The following ADAM32 variants were observed in gnomAD, a reference collection of about 807,000 sequenced individuals.
ADAM32 encodes ADAM metallopeptidase domain 32.
In ADAM32, 89 loss-of-function variants were observed where a neutral mutation model predicts 114.9. The observed-to-expected ratio is 0.77, with a 90% CI of 0.65 to 0.92. The LOEUF (loss-of-function observed/expected upper bound fraction) is 0.92, where lower values mean the gene tolerates loss of function less well. Among genes scored for constraint, ADAM32 ranks in the 40% least tolerant of loss-of-function variants. The probability of loss-of-function intolerance (pLI) is 0.00; values close to 1 mark genes in which losing one functional copy is unlikely to be tolerated. For missense variants in ADAM32, 870 were observed against 932.8 expected (o/e 0.93, Z 0.88); for synonymous variants, 285 against 307.5 (o/e 0.93, Z 0.77).
At chr8:39,134,498 G>A (rs759507524) in intron 2 of ADAM32, among the ~76,000 whole-genome samples, 15 of 152,024 alleles carry the variant, frequency 9.9e-5, no homozygotes, top group Non-Finnish European at 1.6e-4. Context: ...TTCCTTCTAG[G>A]CCTCAGAGGT....
intron 11 of ADAM32, among the ~76,000 whole-genome samples, chr8:39,203,638 G>A (rs1033250222): frequency 4.6e-5 from 7 of 152,168 alleles, no homozygotes; most frequent in Admixed American, 1.3e-4. Context: ...TACAATTAAG[G>A]TTAATATTGT....
At chr8:39,127,325 G>A (rs1046884418) in intron 2 of ADAM32, among the ~76,000 whole-genome samples, 8 of 152,014 alleles carry the variant, frequency 5.3e-5, no homozygotes, top group African/African-American at 1.5e-4. Context: ...TTCTTCGTTG[G>A]TAGGCTATTT....
intron 16 of ADAM32, among the ~76,000 whole-genome samples, 177 bp from the exon 17 acceptor site, chr8:39,245,906 T>A (rs867225683): frequency 2.3e-4 from 35 of 152,128 alleles, no homozygotes; most frequent in African/African-American, 8.2e-4. Flanking sequence ...AAATCACAAA[T>A]GTCTTTTCTT....
chr8:39,260,240 G>A (rs1446824350), intron 19 of ADAM32, among the ~76,000 whole-genome samples: 1 of 152,108 alleles, frequency 6.6e-6, no homozygotes, highest in Non-Finnish European at 1.5e-5. Context: ...CAAATGTCAA[G>A]TTTTTTACGT....
chr8:39,171,719 T>C (rs2129446495), intron 10 of ADAM32, among the ~76,000 whole-genome samples: 1 of 152,044 alleles, frequency 6.6e-6, no homozygotes, highest in African/African-American at 2.4e-5. Context: ...CTTACCTCTA[T>C]TTTAATTTAT....
At chr8:39,278,607 A>G (rs1467563319) in intron 22 of ADAM32, among the ~76,000 whole-genome samples, 1 of 151,872 alleles carries the variant, frequency 6.6e-6, no homozygotes, top group Non-Finnish European at 1.5e-5. Flanking sequence ...AGCTTCTTCC[A>G]GGTTTTTACC....
chr8:39,265,750 A>G (rs1291072983), intron 19 of ADAM32, among the ~76,000 whole-genome samples: 1 of 152,038 alleles, frequency 6.6e-6, no homozygotes, highest in Non-Finnish European at 1.5e-5. Context: ...TATTTGCTTA[A>G]TAGTGTTGGG....
intron 1 of ADAM32, among the ~76,000 whole-genome samples, chr8:39,115,768 G>A (rs1840349749): frequency 6.6e-6 from 1 of 151,982 alleles, no homozygotes; most frequent in Admixed American, 6.6e-5. Context: ...CTCAATTTTT[G>A]TTTTTGTTGA....
chr8:39,161,063 A>G, intron 7 of ADAM32, 98 bp downstream of exon 7: 1 of 1,108,998 alleles, frequency 9.0e-7, no homozygotes, highest in Non-Finnish European at 1.3e-6. Context: ...CAATGTTCTT[A>G]CTCACATGTC....
intron 19 of ADAM32, among the ~76,000 whole-genome samples, chr8:39,260,762 T>C (rs933265362): frequency 1.3e-5 from 2 of 152,156 alleles, no homozygotes; most frequent in Non-Finnish European, 2.9e-5. Context: ...TCTGGCCTTA[T>C]AAAATGTGTT....
chr8:39,183,770 G>A (rs1166792469), intron 10 of ADAM32, among the ~76,000 whole-genome samples: 2 of 152,226 alleles, frequency 1.3e-5, no homozygotes, highest in East Asian at 3.8e-4. Flanking sequence ...TACAGGACAT[G>A]TGATAAGTAA....
intron 11 of ADAM32, among the ~76,000 whole-genome samples, chr8:39,200,034 G>A (rs953723624): frequency 6.6e-6 from 1 of 152,102 alleles, no homozygotes; most frequent in African/African-American, 2.4e-5. Context: ...ATGGACATTT[G>A]GGTTGGTTCC....
intron 16 of ADAM32, among the ~76,000 whole-genome samples, chr8:39,244,740 A>G (rs1810785441): frequency 6.6e-6 from 1 of 152,140 alleles, no homozygotes; most frequent in South Asian, 2.1e-4. Context: ...TAGGATATAT[A>G]CCTAGTGTTA....
At chr8:39,125,792 T>C (rs930630953) in intron 2 of ADAM32, among the ~76,000 whole-genome samples, 30 of 152,212 alleles carry the variant, frequency 2.0e-4, no homozygotes, top group African/African-American at 7.2e-4. Flanking sequence ...TTTCTTACTT[T>C]GGGTTTTACA....
intron 12 of ADAM32, 60 bp downstream of exon 12, chr8:39,211,384 A>G (rs1025789083): frequency 1.2e-5 from 16 of 1,371,092 alleles, no homozygotes; most frequent in Non-Finnish European, 1.5e-5. Context: ...TATCTTTTTC[A>G]TAAATGTCAT....
intron 11 of ADAM32, among the ~76,000 whole-genome samples, chr8:39,209,262 G>A (rs115595999): frequency 1.6e-3 from 250 of 151,978 alleles, no homozygotes; most frequent in African/African-American, 5.6e-3. Context: ...TTCTGCTTTC[G>A]AGACCCTCTA....
chr8:39,207,030 A>G (rs7845676), intron 11 of ADAM32, among the ~76,000 whole-genome samples: 108,066 of 151,860 alleles, frequency 0.71, 38,657 homozygotes, highest in Middle Eastern at 0.79. Flanking sequence ...GGACTGAGGC[A>G]CTGTCCCACC....
chr8:39,136,834 TAAGTG>T, intron 3 of ADAM32, 116 bp downstream of exon 3: 1 of 722,736 alleles, frequency 1.4e-6, no homozygotes, highest in Non-Finnish European at 2.1e-6. Context: ...TTAATTGTCT[TAAGTG>T]AAGAGATGCT....
At chr8:39,193,943 G>A (rs558565205) in intron 11 of ADAM32, among the ~76,000 whole-genome samples, 17 of 152,162 alleles carry the variant, frequency 1.1e-4, no homozygotes, top group Non-Finnish European at 2.1e-4. Flanking sequence ...GTGCTTCCTA[G>A]GGCAGTGGCA....
Sources: allele counts gnomAD v4.1 joint callset (sites outside exome capture counted in the v4.1 genomes callset), GRCh38; gene constraint gnomAD v4.1.1; transcripts MANE v1.5; gene names NCBI Gene and HGNC (gene_info 2026-07-23, HGNC 2026-07-21).